The following MTUS2 variants were observed in gnomAD, a reference collection of about 807,000 sequenced individuals.
MTUS2 encodes the protein microtubule-associated tumor suppressor candidate 2.
Under a neutral mutation model 114.1 loss-of-function variants are expected in MTUS2, and 40 were observed. The observed-to-expected ratio is 0.35, with a 90% CI of 0.27 to 0.46. The LOEUF is 0.46. Among genes scored for constraint, MTUS2 ranks in the 20% least tolerant of loss-of-function variants. The probability of loss-of-function intolerance (pLI) is 1.00; values close to 1 mark genes in which losing one functional copy is unlikely to be tolerated. For synonymous variants in MTUS2, 688 were observed against 672.0 expected (o/e 1.02, Z -0.37); for missense variants, 1,679 against 1,705.4 (o/e 0.98, Z 0.27).
intron 2 of MTUS2, among the ~76,000 whole-genome samples, chr13:28,941,482 T>C (rs1882232995): frequency 6.6e-6 from 1 of 152,082 alleles, no homozygotes; most frequent in Non-Finnish European, 1.5e-5. Flanking sequence ...AAAATATCTT[T>C]TTATATTTTT....
chr13:29,492,126 ATGTGATGTGTGTGGTAGGTGTGTATG>A (rs1882193474), intron 11 of MTUS2, among the ~76,000 whole-genome samples: 1 of 100,364 alleles, frequency 1.0e-5, no homozygotes, highest in African/African-American at 4.9e-5. Context: ...GTGTGTGTGT[ATGTGATGTGTGTGGTAGGTGTGTATG>A]TGTGTGTGGT....
In MTUS2 at chr13:28,939,054, C is replaced by G. The variant is rs73439412; in HGVS notation, c.-242-85403C>G. Among the ~76,000 whole-genome samples the G allele has an allele frequency of 7.6e-3, 1,158 of 152,322 alleles. 16 individuals are homozygous for G. The highest frequency in any genetic ancestry group is 0.026 in the African/African-American group (1,078 of 41,566). On this transcript the variant is annotated intron_variant, in intron 2 of 15. Transcript: ENST00000612955. Reference sequence around the variant, plus strand: ...GTAATCTGATACTTCAGCGCTGTAACCACTTTCTCTTCTTTGTTGAGCAAG... The same window carrying G: ...GTAATCTGATACTTCAGCGCTGTAAGCACTTTCTCTTCTTTGTTGAGCAAG...
At chr13:28,994,529 T>C (rs1836200378) in intron 2 of MTUS2, among the ~76,000 whole-genome samples, 1 of 152,178 alleles carries the variant, frequency 6.6e-6, no homozygotes, top group African/African-American at 2.4e-5. Flanking sequence ...GGTGTAAAAG[T>C]GTTCCTATTT....
chr13:28,851,766 C>T (rs897921870), intron 2 of MTUS2, among the ~76,000 whole-genome samples: 7 of 60,576 alleles, frequency 1.2e-4, no homozygotes, highest in Non-Finnish European at 2.3e-4. Flanking sequence ...TGTCAGTTTC[C>T]GCCCCGGCCC....
At chr13:28,979,264 T>TA (rs1359585600) in intron 2 of MTUS2, among the ~76,000 whole-genome samples, 1 of 152,204 alleles carries the variant, frequency 6.6e-6, no homozygotes, top group Non-Finnish European at 1.5e-5. Context: ...GCCAAATTGT[T>TA]ATTGATTTCT....
At position 29,025,074 on chromosome 13, in the gene MTUS2, A is replaced by C; in HGVS notation, c.376A>C (p.Ser126Arg). 3 of 1,613,830 alleles carry C rather than the reference A, an allele frequency of 1.9e-6. No homozygotes were observed. The highest frequency in any genetic ancestry group is 2.5e-6 in the Non-Finnish European group (3 of 1,179,854). The change falls in exon 3 of 16, where the codon AGT becomes CGT. Residue 126 changes from serine to arginine, a missense_variant. Ser to Arg is a moderately radical substitution (Grantham distance 110). Around this residue, in one of 3 missense-constraint regions of MTUS2, gnomAD observed 843 missense variants for 770.8 expected, o/e 1.09. Coordinates refer to ENST00000612955, the MANE Select transcript of MTUS2 (RefSeq NM_001033602.4). ...CACAGATAGCCTGCAGACCACGCGG[A>C]GTATTCAGGGACCAAGTCTGTCGAG... ...RGTDSLQTTR[S>R]IQGPSLSSWR...
intron 7 of MTUS2, among the ~76,000 whole-genome samples, chr13:29,352,856 A>G (rs1342428848): frequency 2.0e-5 from 3 of 152,156 alleles, no homozygotes; most frequent in African/African-American, 7.2e-5. Context: ...TCTACTCTTC[A>G]TCCTTTCAGT....
At chr13:29,309,661 A>G (rs942325169) in intron 6 of MTUS2, among the ~76,000 whole-genome samples, 2 of 152,216 alleles carry the variant, frequency 1.3e-5, no homozygotes, top group Non-Finnish European at 2.9e-5. Flanking sequence ...TTTTTGAGTG[A>G]CACAAACATT....
intron 5 of MTUS2, among the ~76,000 whole-genome samples, chr13:29,258,077 A>G (rs1292592552): frequency 6.6e-6 from 1 of 152,238 alleles, no homozygotes; most frequent in Non-Finnish European, 1.5e-5. Flanking sequence ...TAGCTGCTAA[A>G]AACACCTATT....
At chr13:29,450,311 A>G (rs1315261898) in intron 9 of MTUS2, among the ~76,000 whole-genome samples, 1 of 152,180 alleles carries the variant, frequency 6.6e-6, no homozygotes. Context: ...GGAGAATGTG[A>G]CTAGCACCCT....
intron 8 of MTUS2, among the ~76,000 whole-genome samples, chr13:29,394,568 AG>A (rs1409497147): frequency 6.6e-6 from 1 of 152,234 alleles, no homozygotes; most frequent in Non-Finnish European, 1.5e-5. Context: ...CAGATCAAAA[AG>A]GTTCCAGACT....
chr13:29,175,097 A>G (rs1335587567), intron 5 of MTUS2, among the ~76,000 whole-genome samples: 2 of 152,322 alleles, frequency 1.3e-5, no homozygotes, highest in East Asian at 1.9e-4. Flanking sequence ...CTCTTAACAT[A>G]TTGTTTAATT....
At chr13:28,970,705 T>C (rs556540215) in intron 2 of MTUS2, among the ~76,000 whole-genome samples, 9 of 152,320 alleles carry the variant, frequency 5.9e-5, no homozygotes, top group African/African-American at 2.2e-4. Context: ...AAAACTTAGT[T>C]TTCCCGGCCC....
intron 2 of MTUS2, among the ~76,000 whole-genome samples, chr13:28,918,520 TC>T (rs1445418413): frequency 6.6e-6 from 1 of 152,040 alleles, no homozygotes; most frequent in Non-Finnish European, 1.5e-5. Context: ...GATATTTTTT[TC>T]CATCCTTTTA....
chr13:29,498,598 T>A, intron 14 of MTUS2, 61 bp downstream of exon 14: 1 of 1,603,478 alleles, frequency 6.2e-7, no homozygotes, highest in Non-Finnish European at 8.5e-7. Context: ...TCATCACTGA[T>A]GTCATCGTTG....
intron 9 of MTUS2, among the ~76,000 whole-genome samples, chr13:29,465,136 A>G (rs17073453): frequency 0.022 from 3,367 of 152,316 alleles, 110 homozygotes; most frequent in African/African-American, 0.072. Flanking sequence ...CCGGCACAGA[A>G]TGAGGGCTCA....
rs376013446 is a variant in MTUS2 at position 29,415,151 on chromosome 13, G to A, written c.3118-24832G>A. ...TTTTTTCCTTTTTGCATTGTGTTCA[G>A]TATGTTGTTTGTAATATTTCTAACT... On this transcript the variant is annotated intron_variant, in intron 8 of 15. Coordinates refer to ENST00000612955, the MANE Select transcript of MTUS2 (RefSeq NM_001033602.4). Among the ~76,000 whole-genome samples, 221 of 151,708 alleles carry A rather than the reference G, an allele frequency of 1.5e-3. 1 individual carries two copies. The highest frequency in any genetic ancestry group is 5.0e-3 in the African/African-American group (207 of 41,426).
At position 29,024,894 on chromosome 13, in the gene MTUS2, A is replaced by G; in HGVS notation, c.196A>G (p.Ser66Gly). The G allele has an allele frequency of 1.2e-6, 2 of 1,613,972 alleles. No individual in the cohort carries two copies. Among genetic ancestry groups the G allele is most frequent in the Non-Finnish European group, 1.7e-6 (2 of 1,179,880 alleles). ...AGATGAAATTGGAAATACAAATTCA[A>G]GTGAGCCAGAAAACCGTACCCATTT... is the stretch of plus-strand genomic sequence containing the variant. ...LGDEIGNTNS[S>G]EPENRTHFHK... Residue 66 changes from serine to glycine, a missense_variant, in exon 3 of 16, where the codon AGT becomes GGT. Transcript: ENST00000612955.
chr13:29,468,174 T>TA (rs1566217941), intron 9 of MTUS2, among the ~76,000 whole-genome samples: 1 of 152,264 alleles, frequency 6.6e-6, no homozygotes, highest in East Asian at 1.9e-4. Flanking sequence ...TATTTATTAC[T>TA]AAAAAAGAGC....
Sources: gnomAD v4.1 joint callset for allele counts (sites outside exome capture counted in the v4.1 genomes callset) on GRCh38, gnomAD v4.1.1 for gene constraint, gnomAD v4.1.1 regional missense constraint, MANE v1.5 for transcripts, NCBI Gene and HGNC (gene_info 2026-07-23, HGNC 2026-07-21) for gene names.